Variants in SLC22A24 observed in about 807,000 individuals in gnomAD.
The protein encoded by SLC22A24 is steroid transmembrane transporter SLC22A24.
Under a neutral mutation model 49.8 loss-of-function variants are expected in SLC22A24, and 53 were observed. The observed-to-expected ratio is 1.06, with a 90% CI of 0.85 to 1.34. The LOEUF is 1.34. Among genes scored for constraint, SLC22A24 ranks in the 40% most tolerant of loss-of-function variants. SLC22A24 has a pLI of 0.00. For missense variants in SLC22A24, 786 were observed against 675.9 expected (o/e 1.16, Z -1.81); for synonymous variants, 302 against 256.4 (o/e 1.18, Z -1.70).
chr11:63,123,689 T>A (rs909080126), intron 2 of SLC22A24, among the ~76,000 whole-genome samples: 1 of 152,206 alleles, frequency 6.6e-6, no homozygotes, highest in Admixed American at 6.5e-5. Context: ...AAAGCCTATA[T>A]CCCCTTGGAT....
intron 2 of SLC22A24, among the ~76,000 whole-genome samples, chr11:63,133,286 C>A (rs2087349991): frequency 6.6e-6 from 1 of 152,216 alleles, no homozygotes; most frequent in African/African-American, 2.4e-5. Context: ...GGCGGCACCC[C>A]ACCCTGCTTC....
At chr11:63,106,459 G>A (rs2087122507) in intron 4 of SLC22A24, among the ~76,000 whole-genome samples, 1 of 152,128 alleles carries the variant, frequency 6.6e-6, no homozygotes, top group Non-Finnish European at 1.5e-5. Flanking sequence ...GTAATGGGAT[G>A]GCTGGGTCAA....
intron 6 of SLC22A24, among the ~76,000 whole-genome samples, chr11:63,084,715 C>G (rs61348437): frequency 6.6e-6 from 1 of 151,994 alleles, no homozygotes; most frequent in Admixed American, 6.6e-5. Flanking sequence ...TGTAGAAACC[C>G]GGCTCACAGA....
chr11:63,119,092 C>T lies in SLC22A24; in HGVS notation c.662-12G>A, dbSNP rs1178467679. 2 of 1,538,972 alleles carry T rather than the reference C, an allele frequency of 1.3e-6. No homozygotes were observed. The highest frequency in any genetic ancestry group is 1.8e-6 in the Non-Finnish European group (2 of 1,139,890). ...TGTCCACTCTAAGCCTGGAAGAAAA[C>T]ATATACATAGTAATAATTTTAGACA... On this transcript the variant is annotated splice_polypyrimidine_tract_variant and intron_variant, in intron 3 of 9. Coordinates refer to ENST00000612278, the MANE Select transcript of SLC22A24 (RefSeq NM_001136506.2).
chr11:63,099,388 T>TTTTTTTTTTTTTTTTG (rs2087076958), intron 5 of SLC22A24, among the ~76,000 whole-genome samples: 1 of 131,068 alleles, frequency 7.6e-6, no homozygotes. Context: ...TTTTTTTTTT[T>TTTTTTTTTTTTTTTTG]TTTTTTTTTT....
chr11:63,141,477 C>T (rs1379065912), intron 1 of SLC22A24, among the ~76,000 whole-genome samples: 2 of 152,152 alleles, frequency 1.3e-5, no homozygotes, highest in Non-Finnish European at 2.9e-5. Flanking sequence ...GAATGGCATG[C>T]TTCTTGTAAA....
chr11:63,136,139 T>C (rs1251653566), intron 1 of SLC22A24, among the ~76,000 whole-genome samples: 1 of 152,122 alleles, frequency 6.6e-6, no homozygotes, highest in Non-Finnish European at 1.5e-5. Flanking sequence ...CTCAATCAGA[T>C]TGTAATGTGT....
chr11:63,099,920 A>G (rs765811743), intron 5 of SLC22A24, among the ~76,000 whole-genome samples: 9 of 152,184 alleles, frequency 5.9e-5, no homozygotes, highest in Non-Finnish European at 1.3e-4. Context: ...TAGAAGGAAC[A>G]TACCCCAATA....
intron 6 of SLC22A24, among the ~76,000 whole-genome samples, chr11:63,092,531 T>TGGTACTGATATATATATATATATGG: frequency 1.0e-5 from 1 of 100,444 alleles, no homozygotes; most frequent in African/African-American, 3.1e-5. Context: ...CAAAACAGCA[T>TGGTACTGATATATATATATATATGG]AACACCGCAC....
chr11:63,141,673 G>A (rs926273972), intron 1 of SLC22A24, among the ~76,000 whole-genome samples: 1 of 152,144 alleles, frequency 6.6e-6, no homozygotes, highest in Non-Finnish European at 1.5e-5. Flanking sequence ...GGTATCTGAG[G>A]GTTCAAACCC....
At chr11:63,127,148 G>A (rs1415614617) in intron 2 of SLC22A24, among the ~76,000 whole-genome samples, 3 of 151,996 alleles carry the variant, frequency 2.0e-5, no homozygotes, top group Non-Finnish European at 1.5e-5. Context: ...TCCCTGACAG[G>A]CCCTGGTATG....
chr11:63,125,328 C>A (rs1479854208), intron 2 of SLC22A24, among the ~76,000 whole-genome samples: 1 of 152,026 alleles, frequency 6.6e-6, no homozygotes, highest in South Asian at 2.1e-4. Context: ...CCACGACAGG[C>A]CCTGGTATGT....
In SLC22A24 at chr11:63,081,132, G is replaced by A. The variant is rs1282104914; in HGVS notation, c.1395-9C>T. On this transcript the variant is annotated splice_polypyrimidine_tract_variant and intron_variant, in intron 8 of 9. Coordinates refer to ENST00000612278, the MANE Select transcript of SLC22A24 (RefSeq NM_001136506.2). ...TTCCTGCAACTGTTGACCTTAGAGT[G>A]CAAATAACAATACAAAAAATCTTGT... The A allele has an allele frequency of 1.3e-6, 2 of 1,549,242 alleles. No homozygotes were observed. The highest frequency in any genetic ancestry group is 1.7e-4 in the Middle Eastern group (1 of 5,972).
intron 2 of SLC22A24, among the ~76,000 whole-genome samples, chr11:63,121,060 T>G (rs768458411): frequency 6.6e-6 from 1 of 152,162 alleles, no homozygotes; most frequent in Non-Finnish European, 1.5e-5. Context: ...ACTCTGATGG[T>G]AGATACATGA....
At chr11:63,131,856 T>TAA (rs774155324) in intron 2 of SLC22A24, among the ~76,000 whole-genome samples, 2 of 152,250 alleles carry the variant, frequency 1.3e-5, no homozygotes, top group East Asian at 3.8e-4. Flanking sequence ...CTCTCCTGGA[T>TAA]AACATCCTGA....
intron 2 of SLC22A24, among the ~76,000 whole-genome samples, chr11:63,134,326 A>G (rs939552117): frequency 6.6e-6 from 1 of 152,134 alleles, no homozygotes; most frequent in Admixed American, 6.6e-5. Flanking sequence ...TCCTGCCTCA[A>G]ACACCCTTCC....
intron 2 of SLC22A24, among the ~76,000 whole-genome samples, chr11:63,124,335 G>C (rs1205855791): frequency 6.6e-6 from 1 of 152,172 alleles, no homozygotes; most frequent in Non-Finnish European, 1.5e-5. Flanking sequence ...TTTCAAGCTT[G>C]AGAAGGCACA....
intron 6 of SLC22A24, 134 bp downstream of exon 6, chr11:63,095,857 G>C (rs949754757): frequency 1.5e-6 from 1 of 655,906 alleles, no homozygotes; most frequent in Non-Finnish European, 2.7e-6. Context: ...GCACTTAGAG[G>C]CATACATTTG....
At chr11:63,133,019 G>A (rs1220241115) in intron 2 of SLC22A24, among the ~76,000 whole-genome samples, 2 of 152,162 alleles carry the variant, frequency 1.3e-5, no homozygotes, top group African/African-American at 4.8e-5. Context: ...CCTCAGCAAT[G>A]GTGGATGCCC....
Sources: allele counts gnomAD v4.1 joint callset (sites outside exome capture counted in the v4.1 genomes callset), GRCh38; gene constraint gnomAD v4.1.1; transcripts MANE v1.5; gene names NCBI Gene and HGNC (gene_info 2026-07-23, HGNC 2026-07-21).